FGD4: variants seen among roughly 807,000 people sequenced by gnomAD.
FGD4 encodes FYVE, RhoGEF and PH domain-containing protein 4.
In FGD4, 42 loss-of-function variants were observed where a neutral mutation model predicts 102.0. The ratio of observed to expected loss-of-function variants is 0.41; its 90% CI spans 0.32 to 0.53. The LOEUF is 0.53. FGD4 is among the 20% of genes least tolerant of loss of function. The pLI is 0.21. For synonymous variants in FGD4, 380 were observed against 375.7 expected (o/e 1.01, Z -0.13); for missense variants, 902 against 1,078.2 (o/e 0.84, Z 2.29).
rs1052847729 is a variant in FGD4 at position 32,640,608 on chromosome 12, T to C, written c.*75T>C. 1 of 1,602,344 alleles carries C rather than the reference T, an allele frequency of 6.2e-7. No homozygotes were observed. Among genetic ancestry groups the C allele is most frequent in the African/African-American group, 1.3e-5 (1 of 74,682 alleles). Reference sequence around the variant, plus strand: ...AGACATTCCCAGCTCTTCTTACACATCTGCTAGCACTTTATGTTGAAAAAT... The same window carrying C: ...AGACATTCCCAGCTCTTCTTACACACCTGCTAGCACTTTATGTTGAAAAAT... On this transcript the variant is annotated 3_prime_UTR_variant, in exon 17 of 17. Transcript: ENST00000534526.
intron 1 of FGD4, among the ~76,000 whole-genome samples, chr12:32,465,204 T>C (rs117088733): frequency 0.038 from 5,772 of 151,472 alleles, 165 homozygotes; most frequent in South Asian, 0.12. Context: ...ACTAATAGCC[T>C]ACTATTGACC....
At chr12:32,519,191 G>A (rs1324875132) in intron 1 of FGD4, among the ~76,000 whole-genome samples, 1 of 148,362 alleles carries the variant, frequency 6.7e-6, no homozygotes, top group Non-Finnish European at 1.5e-5. Context: ...AACCTTTCAT[G>A]TGAAGACAAG....
chr12:32,509,829 C>T (rs2136667041), intron 1 of FGD4, among the ~76,000 whole-genome samples: 1 of 152,316 alleles, frequency 6.6e-6, no homozygotes, highest in East Asian at 1.9e-4. Flanking sequence ...CACTACTCTG[C>T]CTGTGTGCCT....
chr12:32,494,463 G>C (rs1937667809), intron 1 of FGD4, among the ~76,000 whole-genome samples: 1 of 152,214 alleles, frequency 6.6e-6, no homozygotes, highest in Non-Finnish European at 1.5e-5. Flanking sequence ...GAGATTAAGA[G>C]CTTCTAGCCA....
At chr12:32,623,194 A>G (rs2136920888) in intron 11 of FGD4, among the ~76,000 whole-genome samples, 1 of 152,186 alleles carries the variant, frequency 6.6e-6, no homozygotes, top group East Asian at 1.9e-4. Flanking sequence ...TATAAAGGGG[A>G]AAAAAATCTA....
chr12:32,526,817 C>G (rs1229358668), intron 1 of FGD4, among the ~76,000 whole-genome samples: 2 of 152,154 alleles, frequency 1.3e-5, no homozygotes, highest in Admixed American at 6.5e-5. Flanking sequence ...CTCCAGATGC[C>G]CCGCCTTAAA....
chr12:32,451,705 A>G (rs1591926593), intron 1 of FGD4, among the ~76,000 whole-genome samples: 1 of 151,842 alleles, frequency 6.6e-6, no homozygotes, highest in Non-Finnish European at 1.5e-5. Context: ...TCAGGAGTTC[A>G]AGACCAGCCT....
chr12:32,582,004 A>C lies in FGD4; in HGVS notation c.548A>C (p.Asn183Thr). The change falls in exon 4 of 17, where the codon AAC (asparagine) becomes ACC (threonine). Residue 183 changes from asparagine to threonine, a missense_variant. Physicochemically the swap from Asn to Thr is moderately conservative, Grantham distance 65. Around this residue, in one of 2 missense-constraint regions of FGD4, gnomAD observed 443 missense variants for 459.2 expected, o/e 0.96. Transcript: ENST00000534526. ...GATTTGAAGAAAGAGTCTGCTGTGA[A>C]CCTAAATGCTCCTAGAACCCCAGGA... ...YSDLKKESAV[N>T]LNAPRTPGRH... is the part of the protein sequence containing the mutation. The C allele has an allele frequency of 1.2e-6, 2 of 1,614,208 alleles. No homozygotes were observed. Among genetic ancestry groups the C allele is most frequent in the Non-Finnish European group, 1.7e-6 (2 of 1,180,034 alleles).
At chr12:32,469,204 T>C (rs1943349223) in intron 1 of FGD4, among the ~76,000 whole-genome samples, 1 of 152,182 alleles carries the variant, frequency 6.6e-6, no homozygotes, top group African/African-American at 2.4e-5. Flanking sequence ...AATTATACTA[T>C]TTATTCAACT....
At position 32,642,289 on chromosome 12, in the gene FGD4, A is replaced by G. The variant is rs1951189950; in HGVS notation, c.*1756A>G. 1 of 152,130 alleles carries G rather than the reference A, an allele frequency of 6.6e-6. No homozygotes were observed. 9.4% of individuals were successfully genotyped at this position (152,130 alleles called of 1,614,324 possible). On this transcript the variant is annotated 3_prime_UTR_variant, in exon 17 of 17. Transcript: ENST00000534526. The stretch of plus-strand genomic sequence containing the variant: ...AAATTTACATTGCTTCTCTTTTTTA[A>G]TGGCCAGCGGGGTATGTGTGTGATG...
chr12:32,493,122 C>G (rs770026599), intron 1 of FGD4, among the ~76,000 whole-genome samples: 2 of 152,150 alleles, frequency 1.3e-5, no homozygotes, highest in Non-Finnish European at 2.9e-5. Flanking sequence ...GGGTCACAGC[C>G]AGGAAGGTGG....
intron 4 of FGD4, among the ~76,000 whole-genome samples, chr12:32,583,654 T>G (rs554638377): frequency 1.3e-5 from 2 of 152,358 alleles, no homozygotes; most frequent in South Asian, 4.1e-4. Context: ...TCTGCTCATA[T>G]GCACAATGTC....
chr12:32,479,008 T>A (rs566757017), intron 1 of FGD4, among the ~76,000 whole-genome samples: 3 of 152,364 alleles, frequency 2.0e-5, no homozygotes, highest in African/African-American at 7.2e-5. Context: ...GCCCAACTTA[T>A]AACTCCGTTT....
chr12:32,539,188 G>A (rs1411775250), intron 1 of FGD4, among the ~76,000 whole-genome samples: 6 of 152,146 alleles, frequency 3.9e-5, no homozygotes, highest in African/African-American at 7.2e-5. Context: ...TCTTGTAGGA[G>A]GGTGATAGGA....
intron 1 of FGD4, among the ~76,000 whole-genome samples, chr12:32,474,102 A>G (rs1240706482): frequency 2.6e-5 from 4 of 151,998 alleles, no homozygotes; most frequent in Non-Finnish European, 5.9e-5. Context: ...AAAAAAAACA[A>G]AAAGTATTCG....
Position 32,495,478 on chromosome 12 carries a change from C to T in FGD4, c.167-68659C>T, listed in dbSNP as rs139925818. ...TTGGGAGGCTGAGGCGGGCAGATCACGAGGTCAGGAGATCGAGACCATCCT... is the reference window on the plus strand; with the variant it reads ...TTGGGAGGCTGAGGCGGGCAGATCATGAGGTCAGGAGATCGAGACCATCCT... On this transcript the variant is annotated intron_variant, in intron 1 of 16. Transcript: ENST00000534526. Among the ~76,000 whole-genome samples the T allele has an allele frequency of 9.1e-3, 1,388 of 152,074 alleles. 29 individuals are homozygous for T. Among genetic ancestry groups the T allele is most frequent in the African/African-American group, 0.032 (1,323 of 41,456 alleles).
chr12:32,585,860 A>AAAAC, intron 4 of FGD4, among the ~76,000 whole-genome samples: 1 of 145,356 alleles, frequency 6.9e-6, no homozygotes, highest in African/African-American at 2.5e-5. Context: ...AAAAAAAAAA[A>AAAAC]GGGAAATGCA....
intron 1 of FGD4, among the ~76,000 whole-genome samples, chr12:32,519,551 G>A (rs947272157): frequency 1.3e-5 from 2 of 152,126 alleles, no homozygotes; most frequent in African/African-American, 4.8e-5. Flanking sequence ...AGCACTTTGG[G>A]AGGCTGAGTC....
chr12:32,469,784 C>T (rs904381651), intron 1 of FGD4, among the ~76,000 whole-genome samples: 1 of 151,982 alleles, frequency 6.6e-6, no homozygotes, highest in East Asian at 1.9e-4. Context: ...TTTAGCCTCC[C>T]GAGTAGCTGG....
Sources: allele counts gnomAD v4.1 joint callset (sites outside exome capture counted in the v4.1 genomes callset), GRCh38; gene constraint gnomAD v4.1.1; regional missense constraint gnomAD v4.1.1; transcripts MANE v1.5; gene names NCBI Gene and HGNC (gene_info 2026-07-23, HGNC 2026-07-21).